The following SLC22A25 variants were observed in gnomAD, a reference collection of about 807,000 sequenced individuals.
SLC22A25 encodes MGI:2442751, MGI:2385316, MGI:3042283, MGI:3645714, MGI:3605624, MGI:2442750.
SLC22A25 carries 44 observed loss-of-function variants against 45.9 expected under a neutral mutation model. The ratio of observed to expected loss-of-function variants is 0.96; its 90% confidence interval spans 0.75 to 1.23. The LOEUF (loss-of-function observed/expected upper bound fraction) is 1.23. SLC22A25 is among the 50% of genes most tolerant of loss of function. The pLI is 0.00. For missense variants in SLC22A25, 800 were observed against 666.4 expected (o/e 1.20, Z -2.21); for synonymous variants, 283 against 238.6 (o/e 1.19, Z -1.72).
chr11:63,204,587 G>A (rs1249661758), intron 7 of SLC22A25, among the ~76,000 whole-genome samples: 1 of 152,130 alleles, frequency 6.6e-6, no homozygotes. Flanking sequence ...ATGGTAAAGG[G>A]ATAAATGCAA....
intron 7 of SLC22A25, among the ~76,000 whole-genome samples, chr11:63,199,974 G>C (rs117874949): frequency 6.6e-6 from 1 of 152,058 alleles, no homozygotes; most frequent in Non-Finnish European, 1.5e-5. Flanking sequence ...CTGTGTCTCT[G>C]AGTCCATTCT....
At chr11:63,226,377 CAT>C (rs2089962287) in intron 5 of SLC22A25, among the ~76,000 whole-genome samples, 1 of 152,162 alleles carries the variant, frequency 6.6e-6, no homozygotes, top group Non-Finnish European at 1.5e-5. Flanking sequence ...GGCCTCCAAA[CAT>C]AGTAATGCTG....
intron 9 of SLC22A25, among the ~76,000 whole-genome samples, chr11:63,174,023 G>A (rs1271070365): frequency 6.6e-6 from 1 of 151,342 alleles, no homozygotes; most frequent in Non-Finnish European, 1.5e-5. Context: ...CCTACATTAG[G>A]TATTTCTCCT....
rs142374208 is a variant in SLC22A25, at chr11:63,239,824, C to T, written c.-995-689G>A. ...CACACTGCATTTGTGAGAAACTTTT[C>T]GGGGCTCGTTCCAGGGATACAATAA... On this transcript the variant is annotated intron_variant, in intron 1 of 11. Coordinates refer to ENST00000306494, the MANE Select transcript of SLC22A25 (RefSeq NM_199352.6). Among the ~76,000 whole-genome samples the T allele has an allele frequency of 2.1e-3, 321 of 152,238 alleles. 1 individual carries two copies. Among genetic ancestry groups the T allele is most frequent in the African/African-American group, 6.8e-3 (283 of 41,554 alleles).
chr11:63,220,009 T>C (rs1375474494), intron 5 of SLC22A25: 3 of 1,289,142 alleles, frequency 2.3e-6, no homozygotes, highest in East Asian at 1.1e-4. Context: ...GGTTGGGCGA[T>C]GATAATGGTT....
chr11:63,222,091 A>G (rs879540592), intron 5 of SLC22A25, among the ~76,000 whole-genome samples: 2 of 152,138 alleles, frequency 1.3e-5, no homozygotes, highest in Non-Finnish European at 2.9e-5. Context: ...CTTTTTGCTC[A>G]TGATAGCTTT....
At chr11:63,209,842 A>G (rs1302800369) in intron 7 of SLC22A25, among the ~76,000 whole-genome samples, 1 of 152,228 alleles carries the variant, frequency 6.6e-6, no homozygotes, top group Non-Finnish European at 1.5e-5. Context: ...ACAGAGGAGC[A>G]TAGGAGAGTT....
Position 63,163,346 on chromosome 11 carries a change from T to C in SLC22A25, c.*478A>G, listed in dbSNP as rs2087569006. ...AACGCTTTTTTTCCCCCGTGAAAAT[T>C]AGATAGACTGAATCTCACATGTGAT... is the stretch of plus-strand genomic sequence containing the variant. On this transcript the variant is annotated 3_prime_UTR_variant, in exon 12 of 12. Coordinates refer to ENST00000306494, the MANE Select transcript of SLC22A25 (RefSeq NM_199352.6). 6.6e-6 allele frequency among the ~76,000 whole-genome samples: 1 copy of C among 152,168 alleles called. No homozygotes were observed. Among genetic ancestry groups the C allele is most frequent in the African/African-American group, 2.4e-5 (1 of 41,448 alleles).
intron 9 of SLC22A25, among the ~76,000 whole-genome samples, chr11:63,175,736 C>T (rs971542273): frequency 8.6e-5 from 13 of 151,774 alleles, no homozygotes; most frequent in Admixed American, 8.6e-4. Flanking sequence ...TTTCAGGTCT[C>T]ATGTTAAGTC....
rs145401591 is a variant in SLC22A25, at chr11:63,159,834, C to G, written c.*3990G>C. On this transcript the variant is annotated 3_prime_UTR_variant, in exon 12 of 12. Transcript: ENST00000306494. ...AAAATGAAATCCAGGCTGAGGTGGT[C>G]TCAGATGAAGATGAAGAACTTGTTG... 5.1e-3 allele frequency among the ~76,000 whole-genome samples: 781 copies of G among 152,184 alleles called. 12 individuals are homozygous for G. Among genetic ancestry groups the G allele is most frequent in the African/African-American group, 0.017 (696 of 41,510 alleles).
chr11:63,195,227 C>A (rs1345545992), intron 7 of SLC22A25, among the ~76,000 whole-genome samples: 1 of 152,060 alleles, frequency 6.6e-6, no homozygotes, highest in Non-Finnish European at 1.5e-5. Flanking sequence ...TATACAGGAA[C>A]TAAACTCAGC....
At chr11:63,187,621 C>T (rs985515110) in intron 7 of SLC22A25, among the ~76,000 whole-genome samples, 28 of 152,160 alleles carry the variant, frequency 1.8e-4, no homozygotes, top group Admixed American at 1.5e-3. Flanking sequence ...CTGTCTTGTG[C>T]CAGTTTTCAA....
At chr11:63,240,559 T>C (rs1330235973) in intron 1 of SLC22A25, among the ~76,000 whole-genome samples, 6 of 152,238 alleles carry the variant, frequency 3.9e-5, no homozygotes, top group Non-Finnish European at 8.8e-5. Context: ...CTTTTGACTC[T>C]TTTGTAATAA....
rs372578265 is a variant in SLC22A25 at position 63,232,540 on chromosome 11, C to T, written c.-444-2444G>A. On this transcript the variant is annotated intron_variant, in intron 3 of 11. Coordinates refer to ENST00000306494, the MANE Select transcript of SLC22A25 (RefSeq NM_199352.6). ...AGCTTAAGGAGATTTTGGGCTGAGA[C>T]GATGGGGTTTTCTAGATATACAATC... 5.2e-4 allele frequency among the ~76,000 whole-genome samples: 79 copies of T among 152,244 alleles called. 3 individuals carry two copies. The highest frequency in any genetic ancestry group is 2.3e-3 in the East Asian group (12 of 5,184).
intron 3 of SLC22A25, among the ~76,000 whole-genome samples, chr11:63,232,473 A>G (rs536004125): frequency 5.9e-5 from 9 of 152,256 alleles, no homozygotes; most frequent in African/African-American, 2.2e-4. Flanking sequence ...TGATTTTTGC[A>G]CATTGATTTT....
chr11:63,213,108 C>A (rs1461613610), intron 7 of SLC22A25, among the ~76,000 whole-genome samples: 1 of 152,272 alleles, frequency 6.6e-6, no homozygotes, highest in South Asian at 2.1e-4. Flanking sequence ...TGTGCATTGC[C>A]CACCCCAGTT....
intron 3 of SLC22A25, among the ~76,000 whole-genome samples, chr11:63,233,018 C>T (rs1187778440): frequency 6.6e-6 from 1 of 152,128 alleles, no homozygotes. Context: ...TTTTGATGTG[C>T]TGCTGGATTC....
intron 7 of SLC22A25, among the ~76,000 whole-genome samples, chr11:63,198,793 TC>T (rs2089143953): frequency 6.6e-6 from 1 of 152,104 alleles, no homozygotes; most frequent in Non-Finnish European, 1.5e-5. Flanking sequence ...AATAACCTGC[TC>T]CTGAATGACT....
chr11:63,165,881 ACTTC>A (rs2087661983), intron 10 of SLC22A25, among the ~76,000 whole-genome samples, 159 bp downstream of exon 10: 2 of 152,178 alleles, frequency 1.3e-5, no homozygotes, highest in African/African-American at 4.8e-5. Flanking sequence ...TTTCCCAGCA[ACTTC>A]CGTGTGGCAA....
Sources: allele counts gnomAD v4.1 joint callset (sites outside exome capture counted in the v4.1 genomes callset), GRCh38; gene constraint gnomAD v4.1.1; transcripts MANE v1.5; gene names NCBI Gene and HGNC (gene_info 2026-07-23, HGNC 2026-07-21).